Variants in CNTN1 observed in about 807,000 individuals in gnomAD.
The protein encoded by CNTN1 is contactin-1.
A neutral mutation model predicts 126.4 loss-of-function variants in CNTN1; 38 were observed. The ratio of observed to expected loss-of-function variants is 0.30; its 90% CI spans 0.23 to 0.39. The LOEUF is 0.39. Among genes scored for constraint, CNTN1 ranks in the 10% least tolerant of loss-of-function variants. CNTN1 has a pLI of 1.00. For missense variants in CNTN1, 1,009 were observed against 1,248.4 expected (o/e 0.81, Z 2.89); for synonymous variants, 413 against 422.6 (o/e 0.98, Z 0.28).
At chr12:40,856,605 G>A (rs1942916689) in intron 1 of CNTN1, among the ~76,000 whole-genome samples, 1 of 152,096 alleles carries the variant, frequency 6.6e-6, no homozygotes, top group Admixed American at 6.6e-5. Context: ...TCGATTTTGA[G>A]GGATAGTGAA....
At chr12:40,697,713 A>G (rs1439960558) in intron 1 of CNTN1, among the ~76,000 whole-genome samples, 1 of 152,146 alleles carries the variant, frequency 6.6e-6, no homozygotes, top group Admixed American at 6.5e-5. Flanking sequence ...TATCATATGT[A>G]TATCCCAGTG....
intron 2 of CNTN1, among the ~76,000 whole-genome samples, chr12:40,908,745 G>A (rs550090692): frequency 6.6e-6 from 1 of 152,114 alleles, no homozygotes; most frequent in Admixed American, 6.6e-5. Context: ...GATCCCTGGA[G>A]TGTAGCATTT....
intron 17 of CNTN1, among the ~76,000 whole-genome samples, chr12:41,003,403 G>A (rs1420869338): frequency 2.0e-5 from 3 of 151,954 alleles, no homozygotes; most frequent in African/African-American, 4.8e-5. Flanking sequence ...TGGCCTGAAG[G>A]TTTCTTTTTT....
At chr12:40,880,936 C>A (rs1943849754) in intron 1 of CNTN1, among the ~76,000 whole-genome samples, 1 of 151,896 alleles carries the variant, frequency 6.6e-6, no homozygotes, top group African/African-American at 2.4e-5. Context: ...ATGCTTGGAA[C>A]TTCTAAGGTC....
intron 23 of CNTN1, among the ~76,000 whole-genome samples, chr12:41,052,728 C>A (rs1261309328): frequency 6.6e-6 from 1 of 151,958 alleles, no homozygotes; most frequent in Non-Finnish European, 1.5e-5. Flanking sequence ...AAAAAAAGTT[C>A]TCTAGATAAA....
chr12:41,008,197 C>G (rs10879518), intron 17 of CNTN1, among the ~76,000 whole-genome samples: 15,596 of 152,092 alleles, frequency 0.1, 905 homozygotes, highest in Non-Finnish European at 0.13. Flanking sequence ...GTCTGCAGCA[C>G]CATTTGGAGT....
intron 1 of CNTN1, among the ~76,000 whole-genome samples, chr12:40,855,601 A>G (rs1455230866): frequency 6.6e-6 from 1 of 152,054 alleles, no homozygotes; most frequent in African/African-American, 2.4e-5. Flanking sequence ...AGTGTTAATT[A>G]TTTTTCTAGA....
chr12:40,992,830 G>A (rs1948125342), intron 16 of CNTN1, among the ~76,000 whole-genome samples: 2 of 152,204 alleles, frequency 1.3e-5, no homozygotes, highest in South Asian at 4.2e-4. Context: ...GCAGCTCATG[G>A]ACTAGCACCA....
chr12:41,054,572 T>G (rs564401548), intron 23 of CNTN1, among the ~76,000 whole-genome samples: 1 of 152,142 alleles, frequency 6.6e-6, no homozygotes, highest in South Asian at 2.1e-4. Context: ...ACCAAAGCAC[T>G]TATCACAGAA....
intron 14 of CNTN1, among the ~76,000 whole-genome samples, chr12:40,948,422 T>C (rs1403000485): frequency 2.6e-5 from 4 of 151,996 alleles, no homozygotes; most frequent in African/African-American, 9.7e-5. Flanking sequence ...CAACATTTAT[T>C]GTGGGCTTAC....
chr12:40,837,849 G>T (rs563412858), intron 1 of CNTN1, among the ~76,000 whole-genome samples: 1 of 152,290 alleles, frequency 6.6e-6, no homozygotes, highest in African/African-American at 2.4e-5. Flanking sequence ...CAGCTGGGTG[G>T]ACACTCCTGT....
At chr12:40,995,284 T>C (rs1048272944) in intron 17 of CNTN1, among the ~76,000 whole-genome samples, 1 of 152,134 alleles carries the variant, frequency 6.6e-6, no homozygotes, top group Admixed American at 6.5e-5. Flanking sequence ...AGAAGTGATA[T>C]TAAGAGATCA....
intron 14 of CNTN1, among the ~76,000 whole-genome samples, chr12:40,952,872 T>A (rs868087936): frequency 6.6e-6 from 1 of 152,190 alleles, no homozygotes; most frequent in Non-Finnish European, 1.5e-5. Flanking sequence ...TATTTAATAA[T>A]TTTTATGTTT....
At chr12:40,971,736 ACT>A in intron 15 of CNTN1, 1 of 1,306,982 alleles carries the variant, frequency 7.7e-7, no homozygotes, top group Non-Finnish European at 9.7e-7. Flanking sequence ...TAGTGAACTA[ACT>A]CAGTACATTA....
chr12:40,707,041 C>T (rs1342849272), intron 1 of CNTN1, among the ~76,000 whole-genome samples: 7 of 94,198 alleles, frequency 7.4e-5, no homozygotes, highest in Non-Finnish European at 1.1e-4. Context: ...CGCGCGCGCG[C>T]TTGCGCACAC....
Position 40,943,734 on chromosome 12 carries a change from T to C in CNTN1, c.1507+10T>C, listed in dbSNP as rs1435262065. The C allele has an allele frequency of 1.2e-6, 2 of 1,612,450 alleles. No homozygotes were observed. The highest frequency in any genetic ancestry group is 2.7e-5 in the African/African-American group (2 of 74,970). ...ACCCTTGTTATCACAGGTAAGTTAATGTTTGAGGGTGCTTAATTTCTAATG... is the reference window on the plus strand; with the variant it reads ...ACCCTTGTTATCACAGGTAAGTTAACGTTTGAGGGTGCTTAATTTCTAATG... On this transcript the variant is annotated intron_variant, in intron 13 of 23. Coordinates refer to ENST00000551295, the MANE Select transcript of CNTN1 (RefSeq NM_001843.4).
intron 1 of CNTN1, among the ~76,000 whole-genome samples, chr12:40,775,023 T>C (rs998975276): frequency 2.6e-5 from 4 of 151,458 alleles, no homozygotes; most frequent in Non-Finnish European, 5.9e-5. Context: ...TCAACTGGCT[T>C]AATTTAAAAT....
At chr12:41,022,153 G>T (rs1324708560) in intron 20 of CNTN1, among the ~76,000 whole-genome samples, 3 of 152,076 alleles carry the variant, frequency 2.0e-5, no homozygotes, top group Admixed American at 2.0e-4. Flanking sequence ...AAAGAAATAA[G>T]AGGTAGGAAG....
intron 23 of CNTN1, among the ~76,000 whole-genome samples, chr12:41,052,222 T>C (rs1949705506): frequency 6.6e-6 from 1 of 152,202 alleles, no homozygotes. Flanking sequence ...AGACCAGAAG[T>C]AGATAAGCTC....
Sources: gnomAD v4.1 joint callset for allele counts (sites outside exome capture counted in the v4.1 genomes callset) on GRCh38, gnomAD v4.1.1 for gene constraint, MANE v1.5 for transcripts, NCBI Gene and HGNC (gene_info 2026-07-23, HGNC 2026-07-21) for gene names.